Variants in CCDC66 observed in about 807,000 individuals in gnomAD.
The protein encoded by CCDC66 is coiled-coil domain containing 66, also known as coiled-coil domain-containing protein 66.
A neutral mutation model predicts 128.3 loss-of-function variants in CCDC66; 133 were observed. That is an observed-to-expected ratio of 1.04 (90% CI 0.90 to 1.20). CCDC66 has a LOEUF of 1.20. Among genes scored for constraint, CCDC66 ranks in the 50% most tolerant of loss-of-function variants. CCDC66 has a pLI of 0.00. For synonymous variants in CCDC66, 387 were observed against 357.0 expected, an observed-to-expected ratio of 1.08 and a Z score of -0.95; for missense variants, 1,126 against 1,075.5, an observed-to-expected ratio of 1.05 and a Z score of -0.66.
intron 10 of CCDC66, among the ~76,000 whole-genome samples, chr3:56,609,067 G>C (rs978967452): frequency 6.6e-6 from 1 of 152,150 alleles, no homozygotes; most frequent in African/African-American, 2.4e-5. Flanking sequence ...CTTTTGAATA[G>C]AATGTGTATT....
At chr3:56,596,511 A>G (rs934253915) in intron 10 of CCDC66, among the ~76,000 whole-genome samples, 3 of 150,906 alleles carry the variant, frequency 2.0e-5, no homozygotes, top group Non-Finnish European at 4.4e-5. Flanking sequence ...TATGCAAGCT[A>G]TTGAATATTC....
At position 56,615,926 on chromosome 3, in the gene CCDC66, T is replaced by A; in HGVS notation, c.1716T>A (p.Asp572Glu). 1 of 1,592,592 alleles carries A rather than the reference T, an allele frequency of 6.3e-7. No individual in the cohort carries two copies. Among genetic ancestry groups the A allele is most frequent in the Non-Finnish European group, 8.6e-7 (1 of 1,169,150 alleles). Reference sequence around the variant, plus strand: ...CAGGTGATTTCTCTTTGCCAGTTGATACAATACAAATGGAATATAATGCAT... The same window carrying A: ...CAGGTGATTTCTCTTTGCCAGTTGAAACAATACAAATGGAATATAATGCAT... ...TSRLIKNLGV[D>E]TIQMEYNASN... Residue 572 changes from aspartate to glutamate, a missense_variant, in exon 13 of 18, where the codon GAT (aspartate) becomes GAA (glutamate). Physicochemically the swap from Asp to Glu is conservative, Grantham distance 45. Coordinates refer to ENST00000394672, the MANE Select transcript of CCDC66 (RefSeq NM_001141947.3).
At chr3:56,575,638 T>G (rs2067252168) in intron 7 of CCDC66, among the ~76,000 whole-genome samples, 1 of 151,892 alleles carries the variant, frequency 6.6e-6, no homozygotes, top group Non-Finnish European at 1.5e-5. Flanking sequence ...GTGTTTTTAA[T>G]GTCCTATCAA....
intron 3 of CCDC66, among the ~76,000 whole-genome samples, chr3:56,562,882 G>A (rs970478187): frequency 6.6e-6 from 1 of 151,182 alleles, no homozygotes; most frequent in Admixed American, 6.6e-5. Flanking sequence ...CCTGACCTCA[G>A]GCAATCCACC....
chr3:56,583,620 G>A (rs1216146466), intron 7 of CCDC66, among the ~76,000 whole-genome samples: 3 of 151,830 alleles, frequency 2.0e-5, no homozygotes, highest in Non-Finnish European at 4.4e-5. Flanking sequence ...TTGGGGGCAA[G>A]GTCATAGATC....
chr3:56,584,781 C>G (rs143894519), intron 7 of CCDC66, among the ~76,000 whole-genome samples: 7,713 of 151,998 alleles, frequency 0.051, 331 homozygotes, highest in South Asian at 0.16. Flanking sequence ...GATCACTCCA[C>G]TGCACTCCAG....
chr3:56,562,774 G>C (rs2065263558), intron 3 of CCDC66, among the ~76,000 whole-genome samples: 1 of 151,562 alleles, frequency 6.6e-6, no homozygotes, highest in Admixed American at 6.6e-5. Flanking sequence ...GAGTAGCTGG[G>C]ATTACAGGAG....
At position 56,609,299 on chromosome 3, in the gene CCDC66, G is replaced by C. The variant is rs543718077; in HGVS notation, c.1405-4290G>C. On this transcript the variant is annotated intron_variant, in intron 10 of 17. Transcript: ENST00000394672. ...CAGTGTTAGGTGCATATATGTTTAG[G>C]ATTGTGATGTTCTCCTGTTGGACCA... is the stretch of plus-strand genomic sequence containing the variant. Among the ~76,000 whole-genome samples, 244 of 152,248 alleles carry C rather than the reference G, an allele frequency of 1.6e-3. 1 individual carries two copies. The highest frequency in any genetic ancestry group is 5.5e-3 in the African/African-American group (227 of 41,542).
intron 7 of CCDC66, among the ~76,000 whole-genome samples, chr3:56,576,840 T>G (rs2067461912): frequency 6.6e-6 from 1 of 151,792 alleles, no homozygotes; most frequent in Non-Finnish European, 1.5e-5. Flanking sequence ...TTTGGGTTGG[T>G]TCCAAGTCTT....
At chr3:56,563,393 G>GAA (rs34569651) in intron 3 of CCDC66, 7 of 193,964 alleles carry the variant, frequency 3.6e-5, no homozygotes, top group Admixed American at 6.1e-5. Flanking sequence ...TTTTTTAATT[G>GAA]AAAAAAAAAA....
chr3:56,583,852 C>T (rs2068878434), intron 7 of CCDC66, among the ~76,000 whole-genome samples: 1 of 151,478 alleles, frequency 6.6e-6, no homozygotes. Context: ...AAGAGGGGCT[C>T]CTCACTTCCC....
At chr3:56,582,660 T>C (rs2106705311) in intron 7 of CCDC66, among the ~76,000 whole-genome samples, 1 of 151,816 alleles carries the variant, frequency 6.6e-6, no homozygotes, top group African/African-American at 2.4e-5. Context: ...ATTCTAAAAG[T>C]GTTTTTTAGA....
chr3:56,580,564 T>C (rs2068183103), intron 7 of CCDC66, among the ~76,000 whole-genome samples: 1 of 151,882 alleles, frequency 6.6e-6, no homozygotes, highest in Non-Finnish European at 1.5e-5. Flanking sequence ...TTCCTTTCCA[T>C]GTTTAGTGCT....
intron 12 of CCDC66, 91 bp downstream of exon 12, chr3:56,615,363 T>G (rs571600193): frequency 7.6e-7 from 1 of 1,318,180 alleles, no homozygotes; most frequent in East Asian, 2.6e-5. Context: ...CAAGGACTCA[T>G]TCTGTTGCAC....
chr3:56,574,895 A>G (rs1018205121), intron 7 of CCDC66, among the ~76,000 whole-genome samples: 1 of 151,824 alleles, frequency 6.6e-6, no homozygotes, highest in Admixed American at 6.6e-5. Flanking sequence ...ATGCTAAATA[A>G]CATCCTATTG....
At position 56,602,935 on chromosome 3, in the gene CCDC66, C is replaced by T. The variant is rs572319405; in HGVS notation, c.1404+8907C>T. ...CTGCAAGCTCTGCCTCCCAGGTTCA[C>T]GCCATTCTCCTGCCTCAGCCTCCTG... is the stretch of plus-strand genomic sequence containing the variant. On this transcript the variant is annotated intron_variant, in intron 10 of 17. Transcript: ENST00000394672. 7.1e-4 allele frequency among the ~76,000 whole-genome samples: 106 copies of T among 150,186 alleles called. 2 individuals carry two copies. The highest frequency in any genetic ancestry group is 2.4e-3 in the African/African-American group (99 of 40,678).
chr3:56,591,957 G>T (rs1354420334), intron 7 of CCDC66, among the ~76,000 whole-genome samples: 1 of 152,164 alleles, frequency 6.6e-6, no homozygotes, highest in African/African-American at 2.4e-5. Flanking sequence ...TTGTTTGCCT[G>T]TTGCATTTCA....
At chr3:56,593,829 T>G (rs2071368883) in intron 9 of CCDC66, 88 bp downstream of exon 9, 3 of 1,583,422 alleles carry the variant, frequency 1.9e-6, no homozygotes, top group Non-Finnish European at 1.7e-6. Flanking sequence ...GTTTCAGGTT[T>G]GGTATTTGTC....
intron 16 of CCDC66, 91 bp from the exon 17 acceptor site, chr3:56,619,686 A>AT: frequency 6.6e-7 from 1 of 1,513,372 alleles, no homozygotes; most frequent in African/African-American, 1.4e-5. Flanking sequence ...ATACATACTT[A>AT]TTATAATGAC....
Sources: allele counts gnomAD v4.1 joint callset (sites outside exome capture counted in the v4.1 genomes callset), GRCh38; gene constraint gnomAD v4.1.1; transcripts MANE v1.5; gene names NCBI Gene and HGNC (gene_info 2026-07-23, HGNC 2026-07-21).